Variants in FGF5 observed in about 807,000 individuals in gnomAD.
FGF5 encodes the protein fibroblast growth factor 5.
A neutral mutation model predicts 21.8 loss-of-function variants in FGF5; 23 were observed. That is an observed-to-expected ratio of 1.05 (90% CI 0.76 to 1.49). The LOEUF is 1.49. Ranked by LOEUF, FGF5 falls within the 40% of genes most tolerant of loss-of-function variation. The probability of loss-of-function intolerance (pLI) is 0.00; values close to 1 mark genes in which losing one functional copy is unlikely to be tolerated. For synonymous variants in FGF5, 158 were observed against 124.0 expected (o/e 1.27, Z -1.82); for missense variants, 352 against 332.9 (o/e 1.06, Z -0.45).
At chr4:80,279,549 T>G (rs1720499842) in intron 2 of FGF5, among the ~76,000 whole-genome samples, 1 of 152,188 alleles carries the variant, frequency 6.6e-6, no homozygotes, top group African/African-American at 2.4e-5. Context: ...TCTACTAAGT[T>G]TTCCTTTCAC....
At chr4:80,278,611 G>A (rs1002287576) in intron 2 of FGF5, among the ~76,000 whole-genome samples, 1 of 152,082 alleles carries the variant, frequency 6.6e-6, no homozygotes, top group African/African-American at 2.4e-5. Flanking sequence ...AGACTGAAAG[G>A]GTAGGCCAGA....
intron 1 of FGF5, among the ~76,000 whole-genome samples, chr4:80,270,594 T>C (rs985613122): frequency 1.3e-5 from 2 of 152,164 alleles, no homozygotes; most frequent in African/African-American, 4.8e-5. Context: ...TGAAGAAATA[T>C]GAACAAGGCA....
In FGF5 at chr4:80,274,272, C is replaced by A. The variant is rs140284611; in HGVS notation, c.356-637C>A. 9.7e-3 allele frequency among the ~76,000 whole-genome samples: 1,473 copies of A among 152,062 alleles called. 24 individuals are homozygous for A. The highest frequency in any genetic ancestry group is 0.033 in the African/African-American group (1,390 of 41,514). ...TTTTTCTAGGAAATGATTCAAAATG[C>A]AAGATGTCTCAAAGCATAATCCATT... is the stretch of plus-strand genomic sequence containing the variant. On this transcript the variant is annotated intron_variant, in intron 1 of 2. Transcript: ENST00000312465.
chr4:80,280,378 A>G (rs924014828), intron 2 of FGF5, among the ~76,000 whole-genome samples: 1 of 152,238 alleles, frequency 6.6e-6, no homozygotes, highest in African/African-American at 2.4e-5. Flanking sequence ...TTTTAGCAGA[A>G]AGTGAGACAT....
intron 1 of FGF5, among the ~76,000 whole-genome samples, chr4:80,267,733 G>GTAGGTAGATAGATAGATAGA (rs1553910467): frequency 5.0e-4 from 76 of 151,066 alleles, no homozygotes; most frequent in African/African-American, 1.8e-3. Context: ...ATACACATAG[G>GTAGGTAGATAGATAGATAGA]TAGATAGATA....
Position 80,266,723 on chromosome 4 carries a change from G to C in FGF5, c.-102G>C. On this transcript the variant is annotated 5_prime_UTR_variant, in exon 1 of 3. Transcript: ENST00000312465. Reference sequence around the variant, plus strand: ...TCTTCCCCGAGGCTATGTCCACCCGGTGCGGCGAGGCGGGCAGAGCCAGAG... The same window carrying C: ...TCTTCCCCGAGGCTATGTCCACCCGCTGCGGCGAGGCGGGCAGAGCCAGAG... 1 of 1,006,896 alleles carries C rather than the reference G, an allele frequency of 9.9e-7. No individual in the cohort carries two copies. Among genetic ancestry groups the C allele is most frequent in the Non-Finnish European group, 1.5e-6 (1 of 685,190 alleles). 62.4% of individuals were successfully genotyped at this position (1,006,896 alleles called of 1,614,324 possible). A position where few individuals can be genotyped will look rare whatever the true frequency, so the allele number is the denominator to read the frequency against.
At position 80,266,935 on chromosome 4, in the gene FGF5, T is replaced by G; in HGVS notation, c.111T>G (p.Thr37=). ...APKGQPGPAA[T]DRNPRGSSSR... The stretch of plus-strand genomic sequence containing the variant: ...AAGGGCAACCCGGACCCGCTGCCAC[T>G]GATAGGAACCCTAGAGGCTCCAGCA... The change falls in exon 1 of 3, where the codon ACT becomes ACG. Residue 37 remains threonine, a synonymous_variant. Transcript: ENST00000312465. 1 of 1,614,176 alleles carries G rather than the reference T, an allele frequency of 6.2e-7. No individual in the cohort carries two copies. The highest frequency in any genetic ancestry group is 8.5e-7 in the Non-Finnish European group (1 of 1,180,018).
At chr4:80,282,147 A>C (rs1312128221) in intron 2 of FGF5, among the ~76,000 whole-genome samples, 5 of 152,146 alleles carry the variant, frequency 3.3e-5, no homozygotes, top group Non-Finnish European at 7.3e-5. Context: ...TTTTTAGTAC[A>C]GACAGGGTTT....
chr4:80,285,206 A>C (rs1327552339), intron 2 of FGF5, among the ~76,000 whole-genome samples: 1 of 152,118 alleles, frequency 6.6e-6, no homozygotes, highest in Non-Finnish European at 1.5e-5. Context: ...TCTCCCACAT[A>C]TTCCTTCAAA....
intron 1 of FGF5, among the ~76,000 whole-genome samples, chr4:80,269,715 G>C (rs1469398123): frequency 1.3e-5 from 2 of 151,514 alleles, no homozygotes; most frequent in Non-Finnish European, 2.9e-5. Context: ...CATAAATCAT[G>C]TACCCAATAT....
At chr4:80,281,245 A>G (rs1408216535) in intron 2 of FGF5, among the ~76,000 whole-genome samples, 1 of 152,030 alleles carries the variant, frequency 6.6e-6, no homozygotes, top group Non-Finnish European at 1.5e-5. Flanking sequence ...AGTTTAGGGT[A>G]CCTGTCCCAG....
intron 1 of FGF5, among the ~76,000 whole-genome samples, chr4:80,273,718 T>G (rs1421204030): frequency 6.6e-6 from 1 of 152,098 alleles, no homozygotes; most frequent in Non-Finnish European, 1.5e-5. Context: ...TTCTTTTCCT[T>G]TTTAAAAGTA....
rs181147947 is a variant in FGF5, at chr4:80,286,763, G to A, written c.*91G>A. 1.6e-3 allele frequency: 1,473 copies of A among 912,124 alleles called. 14 individuals are homozygous for A. Among genetic ancestry groups the A allele is most frequent in the Non-Finnish European group, 3.0e-4 (180 of 595,338 alleles). 56.5% of individuals were successfully genotyped at this position (912,124 alleles called of 1,614,324 possible). A position where few individuals can be genotyped will look rare whatever the true frequency, so the allele number is the denominator to read the frequency against. On this transcript the variant is annotated 3_prime_UTR_variant, in exon 3 of 3. Coordinates refer to ENST00000312465, the MANE Select transcript of FGF5 (RefSeq NM_004464.4). Reference sequence around the variant, plus strand: ...TTCTGAAGAAAAATTACTGGACACAGCTTCAGCTATACTTACACTGTATTG... The same window carrying A: ...TTCTGAAGAAAAATTACTGGACACAACTTCAGCTATACTTACACTGTATTG...
chr4:80,281,728 A>G (rs1720559611), intron 2 of FGF5, among the ~76,000 whole-genome samples: 1 of 152,218 alleles, frequency 6.6e-6, no homozygotes, highest in African/African-American at 2.4e-5. Context: ...CAAAACCACA[A>G]GAAGGGATTT....
At chr4:80,270,823 G>C (rs1333201820) in intron 1 of FGF5, among the ~76,000 whole-genome samples, 1 of 152,110 alleles carries the variant, frequency 6.6e-6, no homozygotes, top group Non-Finnish European at 1.5e-5. Context: ...TAATAGAATC[G>C]TCGATGTTAC....
chr4:80,266,729 C>A lies in FGF5; in HGVS notation c.-96C>A. ...CCGAGGCTATGTCCACCCGGTGCGGCGAGGCGGGCAGAGCCAGAGGCACGC... is the reference window on the plus strand; with the variant it reads ...CCGAGGCTATGTCCACCCGGTGCGGAGAGGCGGGCAGAGCCAGAGGCACGC... On this transcript the variant is annotated 5_prime_UTR_variant, in exon 1 of 3. Transcript: ENST00000312465. 9.3e-7 allele frequency: 1 copy of A among 1,071,154 alleles called. No individual in the cohort carries two copies. 66.4% of individuals were successfully genotyped at this position (1,071,154 alleles called of 1,614,324 possible). A position where few individuals can be genotyped will look rare whatever the true frequency, so the allele number is the denominator to read the frequency against.
chr4:80,281,958 T>C (rs956685596), intron 2 of FGF5, among the ~76,000 whole-genome samples: 12 of 151,446 alleles, frequency 7.9e-5, no homozygotes, highest in African/African-American at 2.2e-4. Flanking sequence ...TTACTTCTAG[T>C]GAAAAAGTTC....
rs1182428616 is a variant in FGF5, at chr4:80,287,897, G to A, written c.*1225G>A. On this transcript the variant is annotated 3_prime_UTR_variant, in exon 3 of 3. Transcript: ENST00000312465. ...CTTCTGATGTTTATTAAAAAAACTG[G>A]CCTTTTGATAGAGGTAACTTAATTT... 1 of 152,040 alleles carries A rather than the reference G, an allele frequency of 6.6e-6. No individual in the cohort carries two copies. Among genetic ancestry groups the A allele is most frequent in the Admixed American group, 6.6e-5 (1 of 15,228 alleles). The allele number at this position is 152,040 out of a possible 1,614,324, so 9.4% of individuals were successfully genotyped here. A position where few individuals can be genotyped will look rare whatever the true frequency, so the allele number is the denominator to read the frequency against.
chr4:80,279,380 G>T (rs981718798), intron 2 of FGF5, among the ~76,000 whole-genome samples: 42 of 152,280 alleles, frequency 2.8e-4, no homozygotes, highest in African/African-American at 8.9e-4. Context: ...TCCTGAATTT[G>T]CTCTCAGGCA....
Sources: gnomAD v4.1 joint callset for allele counts (sites outside exome capture counted in the v4.1 genomes callset) on GRCh38, gnomAD v4.1.1 for gene constraint, MANE v1.5 for transcripts, NCBI Gene and HGNC (gene_info 2026-07-23, HGNC 2026-07-21) for gene names.